The following GRK5 variants were observed in gnomAD, a reference collection of about 807,000 sequenced individuals.
GRK5 encodes the protein g protein-coupled receptor kinase GRK5.
GRK5 carries 40 observed loss-of-function variants against 78.4 expected under a neutral mutation model. That is an observed-to-expected ratio of 0.51 (90% CI 0.40 to 0.66). The LOEUF (loss-of-function observed/expected upper bound fraction) is 0.66. GRK5 is among the 30% of genes least tolerant of loss of function. The pLI is 0.00. For missense variants in GRK5, 598 were observed against 759.9 expected (o/e 0.79, Z 2.50); for synonymous variants, 289 against 296.8 (o/e 0.97, Z 0.27).
chr10:119,406,535 G>A (rs543639679), intron 4 of GRK5: 111 of 929,868 alleles, frequency 1.2e-4, no homozygotes, highest in Non-Finnish European at 1.3e-4. Context: ...CCCTGGACCC[G>A]GCTCTTCATC....
At chr10:119,227,572 A>G (rs1848761626) in intron 1 of GRK5, among the ~76,000 whole-genome samples, 1 of 152,122 alleles carries the variant, frequency 6.6e-6, no homozygotes, top group African/African-American at 2.4e-5. Context: ...CTTGATCTCA[A>G]ACAACAACAA....
rs1852370102 is a variant in GRK5, at chr10:119,412,707, C to T, written c.340-10459C>T. On this transcript the variant is annotated intron_variant, in intron 4 of 15. Coordinates refer to ENST00000392870, the MANE Select transcript of GRK5 (RefSeq NM_005308.3). The surrounding 1 kb of genome is among the most constrained non-coding windows in gnomAD (Gnocchi z 4.3). ...AATGGTGCTTTTTCTTCCTGTCAGC[C>T]AGGCCTTAAATCAACCCTCAAGTGA... Among the ~76,000 whole-genome samples the T allele has an allele frequency of 6.6e-6, 1 of 152,200 alleles. No homozygotes were observed. The highest frequency in any genetic ancestry group is 1.5e-5 in the Non-Finnish European group (1 of 68,036).
chr10:119,333,515 G>T (rs372168403), intron 2 of GRK5: 225 of 299,422 alleles, frequency 7.5e-4, no homozygotes, highest in African/African-American at 4.7e-3. Flanking sequence ...GAGTAAACAG[G>T]CTTCAAGGGG....
intron 3 of GRK5, among the ~76,000 whole-genome samples, chr10:119,384,059 G>T (rs1223712080): frequency 6.6e-6 from 1 of 152,118 alleles, no homozygotes; most frequent in Non-Finnish European, 1.5e-5. Flanking sequence ...TTCACCGTTG[G>T]CCTTCCCGGA....
intron 2 of GRK5, among the ~76,000 whole-genome samples, chr10:119,327,989 A>G (rs1021443805): frequency 6.6e-6 from 1 of 152,130 alleles, no homozygotes; most frequent in Non-Finnish European, 1.5e-5. Context: ...GCCACATGAC[A>G]AGTTACTTTA....
chr10:119,444,408 G>A (rs1013721832), intron 12 of GRK5, among the ~76,000 whole-genome samples: 6 of 152,074 alleles, frequency 3.9e-5, no homozygotes, highest in African/African-American at 1.2e-4. Flanking sequence ...AGTGGAGTCC[G>A]CCCGTGCACC....
chr10:119,391,761 T>G (rs1851891743), intron 3 of GRK5, among the ~76,000 whole-genome samples: 1 of 151,938 alleles, frequency 6.6e-6, no homozygotes, highest in Non-Finnish European at 1.5e-5. Context: ...GCTGGGGCCG[T>G]GGGGGTGGAT....
rs1364099314 is a variant in GRK5, at chr10:119,306,132, G to A, written c.53-20384G>A. ...GCCTGGGCTGGATTTGGGGGAGGGG[G>A]GAGCCTTTTGGATGAGTCAGTCCTC... is the stretch of plus-strand genomic sequence containing the variant. On this transcript the variant is annotated intron_variant, in intron 1 of 15. Coordinates refer to ENST00000392870, the MANE Select transcript of GRK5 (RefSeq NM_005308.3). Among the ~76,000 whole-genome samples, 3 of 152,260 alleles carry A rather than the reference G, an allele frequency of 2.0e-5. No individual in the cohort carries two copies. The East Asian group carries it at 5.8e-4, about 29-fold the overall frequency.
At chr10:119,321,775 G>T (rs1850589826) in intron 1 of GRK5, among the ~76,000 whole-genome samples, 1 of 152,160 alleles carries the variant, frequency 6.6e-6, no homozygotes, top group Non-Finnish European at 1.5e-5. Flanking sequence ...AGGAAATAGG[G>T]TTGAGGAGGA....
intron 3 of GRK5, among the ~76,000 whole-genome samples, chr10:119,393,717 C>G (rs777796149): frequency 1.3e-5 from 2 of 152,220 alleles, no homozygotes; most frequent in South Asian, 4.1e-4. Context: ...ACTGCTGCCC[C>G]GTCGCTTGCT....
At chr10:119,309,011 G>T (rs871200) in intron 1 of GRK5, among the ~76,000 whole-genome samples, 2 of 152,112 alleles carry the variant, frequency 1.3e-5, no homozygotes, top group African/African-American at 2.4e-5. Context: ...CTGGTGCTGA[G>T]GCTGGGAGGG....
intron 2 of GRK5, among the ~76,000 whole-genome samples, chr10:119,345,003 C>T (rs1851064429): frequency 6.8e-6 from 1 of 148,028 alleles, no homozygotes; most frequent in Non-Finnish European, 1.5e-5. Context: ...GAATCTCGCT[C>T]TGTCTCCCAG....
intron 12 of GRK5, among the ~76,000 whole-genome samples, chr10:119,446,128 G>A (rs536982520): frequency 4.6e-5 from 7 of 151,950 alleles, no homozygotes; most frequent in East Asian, 1.9e-4. Context: ...CAGGAAGCCC[G>A]CTCTGCCTGC....
At chr10:119,337,952 C>T (rs1005906345) in intron 2 of GRK5, among the ~76,000 whole-genome samples, 2 of 152,266 alleles carry the variant, frequency 1.3e-5, no homozygotes, top group Middle Eastern at 3.4e-3. Context: ...GGACACCACT[C>T]ATATTGGATT....
chr10:119,420,201 A>G (rs965274060), intron 4 of GRK5, among the ~76,000 whole-genome samples: 1 of 152,222 alleles, frequency 6.6e-6, no homozygotes, highest in Admixed American at 6.5e-5. Context: ...TTAATGAAGC[A>G]ATGTGTTTAG....
chr10:119,452,842 T>C lies in GRK5; in HGVS notation c.1542+34T>C. 1 of 521,218 alleles carries C rather than the reference T, an allele frequency of 1.9e-6. No individual in the cohort carries two copies. Among genetic ancestry groups the C allele is most frequent in the Non-Finnish European group, 3.8e-6 (1 of 260,094 alleles). 32.3% of individuals were successfully genotyped at this position (521,218 alleles called of 1,614,324 possible). On this transcript the variant is annotated intron_variant, in intron 14 of 15. Transcript: ENST00000392870. The surrounding 1 kb of genome is among the most constrained non-coding windows in gnomAD (Gnocchi z 4.4). ...GGCAGACCACTTGCTTTGGTCTGGGTGGGAGGGAGGGACTGACGGGTGGAA... is the reference window on the plus strand; with the variant it reads ...GGCAGACCACTTGCTTTGGTCTGGGCGGGAGGGAGGGACTGACGGGTGGAA...
chr10:119,416,584 T>G (rs1489383045), intron 4 of GRK5, among the ~76,000 whole-genome samples: 2 of 33,176 alleles, frequency 6.0e-5, no homozygotes, highest in South Asian at 2.1e-3. Context: ...TCGCTCTCTC[T>G]CTCTCTTTTT....
At chr10:119,443,880 C>T in intron 12 of GRK5, 128 bp downstream of exon 12, 2 of 786,810 alleles carry the variant, frequency 2.5e-6, no homozygotes, top group Non-Finnish European at 4.0e-6. Context: ...GTGGGGGTTG[C>T]AGCCCACCAA....
chr10:119,360,496 GA>G (rs1851343525), intron 2 of GRK5, among the ~76,000 whole-genome samples: 1 of 151,130 alleles, frequency 6.6e-6, no homozygotes, highest in African/African-American at 2.4e-5. Flanking sequence ...GCCTGTGCGA[GA>G]GGGAGGAGCC....
Sources: allele counts gnomAD v4.1 joint callset (sites outside exome capture counted in the v4.1 genomes callset), GRCh38; gene constraint gnomAD v4.1.1; non-coding constraint Gnocchi (gnomAD v3.1); transcripts MANE v1.5; gene names NCBI Gene and HGNC (gene_info 2026-07-23, HGNC 2026-07-21).